LRRTM4: variants seen among roughly 807,000 people sequenced by gnomAD.
The protein encoded by LRRTM4 is leucine-rich repeat transmembrane neuronal protein 4.
A neutral mutation model predicts 47.6 loss-of-function variants in LRRTM4; 25 were observed. The ratio of observed to expected loss-of-function variants is 0.53; its 90% CI spans 0.38 to 0.73. The LOEUF is 0.73. LRRTM4 is among the 30% of genes least tolerant of loss of function. The pLI is 0.00. For synonymous variants in LRRTM4, 311 were observed against 269.5 expected, an observed-to-expected ratio of 1.15 and a Z score of -1.51; for missense variants, 638 against 713.4, an observed-to-expected ratio of 0.89 and a Z score of 1.20.
intron 3 of LRRTM4, among the ~76,000 whole-genome samples, chr2:76,900,696 CTT>C (rs1021388192): frequency 9.9e-5 from 15 of 152,092 alleles, no homozygotes; most frequent in African/African-American, 3.6e-4. Context: ...AAATGGGACA[CTT>C]TACTTTCATA....
At chr2:77,148,745 G>A (rs1214739499) in intron 3 of LRRTM4, among the ~76,000 whole-genome samples, 2 of 152,148 alleles carry the variant, frequency 1.3e-5, no homozygotes, top group Non-Finnish European at 2.9e-5. Context: ...AGTAGTTACA[G>A]CAGTTCAAAA....
intron 3 of LRRTM4, among the ~76,000 whole-genome samples, chr2:77,049,030 G>C (rs886533856): frequency 6.7e-6 from 1 of 149,570 alleles, no homozygotes; most frequent in Non-Finnish European, 1.5e-5. Context: ...TCATCTTTCT[G>C]TGCCTGGCTT....
At chr2:77,263,513 C>T (rs901276231) in intron 3 of LRRTM4, among the ~76,000 whole-genome samples, 4 of 152,024 alleles carry the variant, frequency 2.6e-5, no homozygotes, top group Admixed American at 6.6e-5. Flanking sequence ...CTGACACTAT[C>T]TCCAGATGGA....
At chr2:77,428,185 G>A (rs1675200052) in intron 3 of LRRTM4, among the ~76,000 whole-genome samples, 1 of 152,208 alleles carries the variant, frequency 6.6e-6, no homozygotes, top group Non-Finnish European at 1.5e-5. Flanking sequence ...TTCAGCCATG[G>A]GGAACTGTGA....
At chr2:77,210,691 AC>A (rs1558635081) in intron 3 of LRRTM4, among the ~76,000 whole-genome samples, 1 of 152,092 alleles carries the variant, frequency 6.6e-6, no homozygotes, top group Non-Finnish European at 1.5e-5. Flanking sequence ...CATTTTTCCC[AC>A]TGCGTTTTCA....
chr2:76,792,746 C>T (rs1381298387), intron 3 of LRRTM4, among the ~76,000 whole-genome samples: 1 of 152,018 alleles, frequency 6.6e-6, no homozygotes, highest in East Asian at 1.9e-4. Flanking sequence ...CCTGTAAATG[C>T]CAGGCGCTAA....
intron 3 of LRRTM4, among the ~76,000 whole-genome samples, chr2:76,982,350 G>A (rs1676639784): frequency 6.6e-6 from 1 of 151,812 alleles, no homozygotes; most frequent in African/African-American, 2.4e-5. Context: ...GATGCAAAAG[G>A]GACAAAAATA....
intron 3 of LRRTM4, among the ~76,000 whole-genome samples, chr2:77,255,824 T>C (rs1381230995): frequency 6.6e-6 from 1 of 151,780 alleles, no homozygotes; most frequent in Admixed American, 6.6e-5. Context: ...AACCAAAAAG[T>C]CTAAAGTCAG....
At chr2:76,997,649 G>A (rs1365378037) in intron 3 of LRRTM4, among the ~76,000 whole-genome samples, 2 of 152,076 alleles carry the variant, frequency 1.3e-5, no homozygotes, top group African/African-American at 4.8e-5. Context: ...TATGTGGTTG[G>A]TGACAGAGCT....
At chr2:76,953,669 T>A (rs1224404693) in intron 3 of LRRTM4, among the ~76,000 whole-genome samples, 1 of 151,730 alleles carries the variant, frequency 6.6e-6, no homozygotes, top group Non-Finnish European at 1.5e-5. Context: ...GGACTACACA[T>A]CATACCACAC....
Position 76,771,641 on chromosome 2 carries a change from GA to G in LRRTM4, c.1552-22726del, listed in dbSNP as rs748214529. Among the ~76,000 whole-genome samples, 132 of 69,674 alleles carry G rather than the reference GA, an allele frequency of 1.9e-3. 1 individual carries two copies. Among genetic ancestry groups the G allele is most frequent in the South Asian group, 4.8e-3 (10 of 2,088 alleles). 45.7% of individuals were successfully genotyped at this position (69,674 alleles called of 152,430 possible). A position where few individuals can be genotyped will look rare whatever the true frequency, so the allele number is the denominator to read the frequency against. ...ACCTCAAATTCTTGCCAGGTGAACA[GA>G]AAAAAAAAAAAAAAAGAAAAAGAAA... On this transcript the variant is annotated intron_variant, in intron 3 of 3. Transcript: ENST00000409884.
chr2:77,358,209 G>T (rs913936514), intron 3 of LRRTM4, among the ~76,000 whole-genome samples: 1 of 152,162 alleles, frequency 6.6e-6, no homozygotes, highest in Non-Finnish European at 1.5e-5. Context: ...TACTTGGCTC[G>T]TGGTTCTGCA....
In LRRTM4 at chr2:77,075,558, T is replaced by C. The variant is rs13392303; in HGVS notation, c.1552-326642A>G. 7.5e-3 allele frequency among the ~76,000 whole-genome samples: 1,145 copies of C among 152,256 alleles called. 14 individuals carry two copies. The highest frequency in any genetic ancestry group is 0.026 in the African/African-American group (1,095 of 41,556). On this transcript the variant is annotated intron_variant, in intron 3 of 3. Transcript: ENST00000409884. ...AAATAAGGTCTACATTTTTCTCTCA[T>C]ACACTCAAATTGTATGCAAATATGA... is the stretch of plus-strand genomic sequence containing the variant.
At position 77,046,367 on chromosome 2, in the gene LRRTM4, T is replaced by C. The variant is rs77321818; in HGVS notation, c.1552-297451A>G. On this transcript the variant is annotated intron_variant, in intron 3 of 3. Coordinates refer to ENST00000409884, the MANE Select transcript of LRRTM4 (RefSeq NM_001134745.3). The stretch of plus-strand genomic sequence containing the variant: ...GCCAACCAAAGTGCAAAATGTGCAA[T>C]AGGCAGATTTTTTTTCTAGAAAAAT... Among the ~76,000 whole-genome samples the C allele has an allele frequency of 6.5e-3, 990 of 152,092 alleles. 3 individuals are homozygous for C. Among genetic ancestry groups the C allele is most frequent in the Admixed American group, 9.9e-3 (150 of 15,226 alleles).
chr2:77,356,162 A>G (rs979463860), intron 3 of LRRTM4, among the ~76,000 whole-genome samples: 1 of 152,188 alleles, frequency 6.6e-6, no homozygotes, highest in Non-Finnish European at 1.5e-5. Flanking sequence ...AAATGAGATA[A>G]TAGATTAATT....
At chr2:76,924,695 G>A (rs1213242119) in intron 3 of LRRTM4, among the ~76,000 whole-genome samples, 1 of 151,812 alleles carries the variant, frequency 6.6e-6, no homozygotes, top group Non-Finnish European at 1.5e-5. Flanking sequence ...TCATCTGTGA[G>A]AAACACTAGC....
intron 3 of LRRTM4, among the ~76,000 whole-genome samples, chr2:76,960,619 C>T (rs1405288937): frequency 2.7e-5 from 4 of 150,172 alleles, no homozygotes; most frequent in Non-Finnish European, 5.9e-5. Context: ...ATATTATTTT[C>T]AATATCACAG....
intron 3 of LRRTM4, among the ~76,000 whole-genome samples, chr2:77,104,069 CCTT>C (rs1204189364): frequency 3.3e-5 from 5 of 152,028 alleles, no homozygotes; most frequent in Non-Finnish European, 7.4e-5. Flanking sequence ...ATTTTTCAAA[CCTT>C]CTCCTCCTAT....
intron 3 of LRRTM4, among the ~76,000 whole-genome samples, chr2:77,058,150 A>G (rs1679668579): frequency 6.6e-6 from 1 of 152,170 alleles, no homozygotes. Context: ...ACAACCAACA[A>G]AAAGTTCCAA....
Sources: gnomAD v4.1 joint callset for allele counts (sites outside exome capture counted in the v4.1 genomes callset) on GRCh38, gnomAD v4.1.1 for gene constraint, MANE v1.5 for transcripts, NCBI Gene and HGNC (gene_info 2026-07-23, HGNC 2026-07-21) for gene names.